The following SGCZ variants were observed in gnomAD, a reference collection of about 807,000 sequenced individuals.
SGCZ encodes the protein zeta-sarcoglycan.
A neutral mutation model predicts 41.3 loss-of-function variants in SGCZ; 40 were observed. That is an observed-to-expected ratio of 0.97 (90% CI 0.75 to 1.26). The LOEUF (loss-of-function observed/expected upper bound fraction) is 1.26, where lower values mean the gene tolerates loss of function less well. Ranked by LOEUF, SGCZ falls within the 50% of genes most tolerant of loss-of-function variation. SGCZ has a pLI of 0.00. For missense variants in SGCZ, 552 were observed against 369.8 expected, an observed-to-expected ratio of 1.49 and a Z score of -4.04; for synonymous variants, 206 against 137.5, an observed-to-expected ratio of 1.50 and a Z score of -3.49.
intron 2 of SGCZ, among the ~76,000 whole-genome samples, chr8:14,545,728 C>G (rs1190494074): frequency 6.6e-6 from 1 of 152,088 alleles, no homozygotes; most frequent in East Asian, 1.9e-4. Flanking sequence ...GTTCCCCACC[C>G]CCTCACTCTA....
At chr8:14,172,072 G>C (rs1804399576) in intron 4 of SGCZ, among the ~76,000 whole-genome samples, 1 of 152,084 alleles carries the variant, frequency 6.6e-6, no homozygotes, top group African/African-American at 2.4e-5. Flanking sequence ...AAGTATCACA[G>C]AAAGTCTGGT....
chr8:14,970,201 G>A (rs1298471614), intron 1 of SGCZ, among the ~76,000 whole-genome samples: 1 of 152,004 alleles, frequency 6.6e-6, no homozygotes, highest in Non-Finnish European at 1.5e-5. Context: ...AATAACCTGG[G>A]TTGTTTACTT....
intron 1 of SGCZ, among the ~76,000 whole-genome samples, chr8:14,825,464 G>C (rs944116982): frequency 1.3e-5 from 2 of 152,132 alleles, no homozygotes; most frequent in Non-Finnish European, 2.9e-5. Context: ...TTTGTGCATT[G>C]TCAAGTTTAT....
chr8:14,691,617 T>TA (rs529347307), intron 1 of SGCZ, among the ~76,000 whole-genome samples: 2 of 150,278 alleles, frequency 1.3e-5, no homozygotes, highest in East Asian at 1.9e-4. Context: ...TAATGTCACC[T>TA]AAAAAAAAAG....
At chr8:15,070,203 A>G (rs1174710159) in intron 1 of SGCZ, among the ~76,000 whole-genome samples, 1 of 152,156 alleles carries the variant, frequency 6.6e-6, no homozygotes, top group Non-Finnish European at 1.5e-5. Flanking sequence ...GATCATCATA[A>G]TTAGAATTTT....
intron 2 of SGCZ, among the ~76,000 whole-genome samples, chr8:14,481,181 G>T (rs1801525682): frequency 6.6e-6 from 1 of 151,234 alleles, no homozygotes; most frequent in South Asian, 2.1e-4. Flanking sequence ...AACATGAATA[G>T]TTAATTAATA....
intron 1 of SGCZ, among the ~76,000 whole-genome samples, chr8:14,727,632 T>C (rs1810099111): frequency 6.6e-6 from 1 of 151,602 alleles, no homozygotes; most frequent in Admixed American, 6.6e-5. Flanking sequence ...TGCCTGAGCC[T>C]CCCGAGTAGC....
At chr8:14,097,513 A>G (rs891119628) in intron 7 of SGCZ, among the ~76,000 whole-genome samples, 4 of 152,264 alleles carry the variant, frequency 2.6e-5, no homozygotes, top group Non-Finnish European at 4.4e-5. Context: ...ACTTCCAATT[A>G]TGTGGTCATT....
chr8:14,629,292 CA>C (rs1806566902), intron 1 of SGCZ, among the ~76,000 whole-genome samples: 1 of 151,116 alleles, frequency 6.6e-6, no homozygotes, highest in African/African-American at 2.4e-5. Flanking sequence ...TTAATGCCCA[CA>C]AAAAGTTATA....
At chr8:14,203,282 A>C (rs1805515102) in intron 4 of SGCZ, among the ~76,000 whole-genome samples, 1 of 152,234 alleles carries the variant, frequency 6.6e-6, no homozygotes, top group African/African-American at 2.4e-5. Flanking sequence ...AATATTAAAC[A>C]AATTGGTAAG....
intron 2 of SGCZ, among the ~76,000 whole-genome samples, chr8:14,528,296 T>C (rs1321594313): frequency 6.6e-6 from 1 of 152,120 alleles, no homozygotes; most frequent in Non-Finnish European, 1.5e-5. Context: ...AATTATACCA[T>C]CTGGGATATG....
intron 3 of SGCZ, among the ~76,000 whole-genome samples, chr8:14,274,332 G>C (rs1800160597): frequency 6.6e-6 from 1 of 152,076 alleles, no homozygotes; most frequent in Admixed American, 6.5e-5. Flanking sequence ...GCACTGTTAA[G>C]GTTTATTATT....
chr8:15,089,934 T>TA (rs1200590485), intron 1 of SGCZ, among the ~76,000 whole-genome samples: 2 of 152,214 alleles, frequency 1.3e-5, no homozygotes, highest in Non-Finnish European at 2.9e-5. Context: ...ATTTTTTCAC[T>TA]AAATATAGGT....
chr8:14,408,806 G>A (rs1220551832), intron 2 of SGCZ, among the ~76,000 whole-genome samples: 1 of 151,982 alleles, frequency 6.6e-6, no homozygotes, highest in East Asian at 1.9e-4. Context: ...TTTGTATTCA[G>A]TTGGCTAATA....
Position 14,980,503 on chromosome 8 carries a change from A to T in SGCZ, c.39+257082T>A, listed in dbSNP as rs571973921. 5.3e-5 allele frequency among the ~76,000 whole-genome samples: 8 copies of T among 152,340 alleles called. No homozygotes were observed. The East Asian group carries it at 1.5e-3, about 29-fold the overall frequency. On this transcript the variant is annotated intron_variant, in intron 1 of 7. Coordinates refer to ENST00000382080, the MANE Select transcript of SGCZ (RefSeq NM_139167.4). The stretch of plus-strand genomic sequence containing the variant: ...GATGAAGACATAACCGAGACTGGTC[A>T]ATTTACAAAAGAAAGAGGTTTAATT...
At chr8:14,652,715 G>C (rs1053700927) in intron 1 of SGCZ, among the ~76,000 whole-genome samples, 11 of 152,066 alleles carry the variant, frequency 7.2e-5, no homozygotes, top group African/African-American at 1.9e-4. Context: ...GGAAAGGAAA[G>C]TTTGTTAAGA....
At chr8:14,417,822 A>C (rs1799536570) in intron 2 of SGCZ, among the ~76,000 whole-genome samples, 2 of 151,858 alleles carry the variant, frequency 1.3e-5, no homozygotes, top group Admixed American at 1.3e-4. Context: ...TTGAAATATC[A>C]CATTATACAA....
chr8:14,716,312 CAAT>C (rs1436353520), intron 1 of SGCZ, among the ~76,000 whole-genome samples: 1 of 151,982 alleles, frequency 6.6e-6, no homozygotes, highest in East Asian at 1.9e-4. Context: ...ATTTCTTGAA[CAAT>C]GAGAGCAAAA....
intron 1 of SGCZ, among the ~76,000 whole-genome samples, chr8:14,751,947 A>G (rs1164896566): frequency 7.3e-6 from 1 of 136,408 alleles, no homozygotes; most frequent in Non-Finnish European, 1.6e-5. Context: ...AAACAAAAAC[A>G]AACAAAAAAA....
Sources: allele counts gnomAD v4.1 joint callset (sites outside exome capture counted in the v4.1 genomes callset), GRCh38; gene constraint gnomAD v4.1.1; transcripts MANE v1.5; gene names NCBI Gene and HGNC (gene_info 2026-07-23, HGNC 2026-07-21).